GPHN: variants seen among roughly 807,000 people sequenced by gnomAD.
GPHN encodes gephyrin.
GPHN carries 17 observed loss-of-function variants against 95.5 expected under a neutral mutation model. That is an observed-to-expected ratio of 0.18 (90% CI 0.12 to 0.27). The LOEUF (loss-of-function observed/expected upper bound fraction) is 0.27, where lower values mean the gene tolerates loss of function less well. Ranked by LOEUF, GPHN falls within the 10% of genes least tolerant of loss-of-function variation. The pLI is 1.00. For synonymous variants in GPHN, 320 were observed against 322.5 expected (o/e 0.99, Z 0.08); for missense variants, 660 against 978.1 (o/e 0.67, Z 4.34).
intron 13 of GPHN, 70 bp from the exon 14 acceptor site, chr14:67,110,070 A>G: frequency 1.5e-6 from 2 of 1,368,510 alleles, no homozygotes; most frequent in Non-Finnish European, 2.1e-6. Context: ...TAAAAAAATT[A>G]ACATCCTCTG....
the GPHN span, chr14:67,587,590 T>C: frequency 1.7e-4 from 47 of 274,428 alleles, no homozygotes; most frequent in East Asian, 4.2e-3. Flanking sequence ...AAGCTAATTT[T>C]CTTTCTGGGG....
chr14:66,669,190 C>T (rs969790186), intron 1 of GPHN, among the ~76,000 whole-genome samples: 3 of 152,012 alleles, frequency 2.0e-5, no homozygotes, highest in African/African-American at 2.4e-5. Flanking sequence ...ATGGAGAAAC[C>T]CCATCTCTAC....
At chr14:67,707,159 A>G in the GPHN span, among the ~76,000 whole-genome samples, 408 of 152,312 alleles carry the variant, frequency 2.7e-3, 1 homozygote, top group African/African-American at 9.5e-3. Flanking sequence ...GTGACTCCAA[A>G]TTAGGAAAAA....
At chr14:67,516,537 G>C in the GPHN span, among the ~76,000 whole-genome samples, 1 of 152,164 alleles carries the variant, frequency 6.6e-6, no homozygotes, top group South Asian at 2.1e-4. Flanking sequence ...GGTTCATCCA[G>C]CTGCTCTTGC....
chr14:67,606,600 T>G, the GPHN span, among the ~76,000 whole-genome samples: 8 of 152,082 alleles, frequency 5.3e-5, no homozygotes, highest in African/African-American at 1.9e-4. Context: ...TTATGAAGAT[T>G]TCAAAGGAAA....
In GPHN at chr14:66,627,808, T is replaced by A. The variant is rs72726421; in HGVS notation, c.65-53299T>A. Among the ~76,000 whole-genome samples, 659 of 152,248 alleles carry A rather than the reference T, an allele frequency of 4.3e-3. 1 individual carries two copies. The highest frequency in any genetic ancestry group is 6.8e-3 in the Non-Finnish European group (464 of 67,998). ...TTTTTAAAATGAAGAGCAAATTATTTGTTCTCTCTTTGTCTGCTTTCACTA... is the reference window on the plus strand; with the variant it reads ...TTTTTAAAATGAAGAGCAAATTATTAGTTCTCTCTTTGTCTGCTTTCACTA... On this transcript the variant is annotated intron_variant, in intron 1 of 22. Coordinates refer to ENST00000478722, the MANE Select transcript of GPHN (RefSeq NM_020806.5).
chr14:67,354,793 A>G, the GPHN span, among the ~76,000 whole-genome samples: 3 of 152,214 alleles, frequency 2.0e-5, no homozygotes, highest in East Asian at 1.9e-4. Flanking sequence ...TTTTACTACT[A>G]TATTCTTTTG....
chr14:67,284,864 A>C, the GPHN span, among the ~76,000 whole-genome samples: 1 of 152,098 alleles, frequency 6.6e-6, no homozygotes, highest in East Asian at 1.9e-4. Flanking sequence ...TCCACTGTAC[A>C]AATATACCAC....
At chr14:67,504,195 G>A in the GPHN span, among the ~76,000 whole-genome samples, 1 of 151,754 alleles carries the variant, frequency 6.6e-6, no homozygotes, top group Non-Finnish European at 1.5e-5. Context: ...TGTATTTTTA[G>A]TAGAGATGAG....
the GPHN span, among the ~76,000 whole-genome samples, chr14:67,286,635 C>G: frequency 8.6e-5 from 13 of 151,304 alleles, no homozygotes; most frequent in African/African-American, 2.9e-4. Context: ...GTGGGTGGAT[C>G]GCTTGAGCTC....
chr14:67,249,811 G>A, the GPHN span, among the ~76,000 whole-genome samples: 1 of 152,194 alleles, frequency 6.6e-6, no homozygotes, highest in Non-Finnish European at 1.5e-5. Context: ...GATGTAAGAA[G>A]TAGGCAATCT....
the GPHN span, among the ~76,000 whole-genome samples, chr14:67,686,762 TTC>T: frequency 1.3e-5 from 2 of 152,196 alleles, no homozygotes; most frequent in Non-Finnish European, 2.9e-5. Context: ...TTCAATTTTT[TTC>T]TCTGATTGTA....
intron 2 of GPHN, among the ~76,000 whole-genome samples, chr14:66,710,862 C>T (rs2069551248): frequency 6.6e-6 from 1 of 152,042 alleles, no homozygotes; most frequent in Non-Finnish European, 1.5e-5. Flanking sequence ...TTAGGTAATA[C>T]ATGTAAAAGC....
the GPHN span, among the ~76,000 whole-genome samples, chr14:67,319,422 T>C: frequency 6.6e-6 from 1 of 152,314 alleles, no homozygotes; most frequent in African/African-American, 2.4e-5. Context: ...TTCATGACTC[T>C]GGGTTAGCAT....
intron 5 of GPHN, 40 bp from the exon 6 acceptor site, chr14:66,915,963 A>G (rs374262646): frequency 2.0e-5 from 22 of 1,088,182 alleles, no homozygotes; most frequent in East Asian, 1.6e-4. Flanking sequence ...CCGGGCATTC[A>G]TAGCAATTTA....
chr14:67,286,052 A>G, the GPHN span, among the ~76,000 whole-genome samples: 17 of 152,240 alleles, frequency 1.1e-4, no homozygotes, highest in Non-Finnish European at 1.5e-5. Flanking sequence ...GTAAGAGGAA[A>G]TAGCTCCACC....
chr14:67,117,254 T>G (rs1046232784), intron 16 of GPHN, among the ~76,000 whole-genome samples: 2 of 152,228 alleles, frequency 1.3e-5, no homozygotes, highest in Non-Finnish European at 2.9e-5. Context: ...ACTTGATAAT[T>G]CCATCAAGAC....
intron 17 of GPHN, among the ~76,000 whole-genome samples, chr14:67,139,703 T>C (rs908954488): frequency 6.6e-6 from 1 of 152,184 alleles, no homozygotes; most frequent in Non-Finnish European, 1.5e-5. Flanking sequence ...ATAGATCCCC[T>C]GGCTGTTGTC....
At chr14:67,049,156 ACAAT>A (rs1242017251) in intron 10 of GPHN, among the ~76,000 whole-genome samples, 2 of 152,004 alleles carry the variant, frequency 1.3e-5, no homozygotes, top group Non-Finnish European at 2.9e-5. Context: ...TTCTACAGTC[ACAAT>A]CAACAAGAGA....
Sources: gnomAD v4.1 joint callset for allele counts (sites outside exome capture counted in the v4.1 genomes callset) on GRCh38, gnomAD v4.1.1 for gene constraint, MANE v1.5 for transcripts, NCBI Gene and HGNC (gene_info 2026-07-23, HGNC 2026-07-21) for gene names.